ZBTB47: variants seen among roughly 807,000 people sequenced by gnomAD.
ZBTB47 encodes the protein zinc finger and BTB domain-containing protein 47.
ZBTB47 carries 24 observed loss-of-function variants against 56.6 expected under a neutral mutation model. That is an observed-to-expected ratio of 0.42 (90% CI 0.31 to 0.60). The LOEUF is 0.60. ZBTB47 is among the 20% of genes least tolerant of loss of function. The pLI is 0.14. For synonymous variants in ZBTB47, 414 were observed against 418.9 expected, an observed-to-expected ratio of 0.99 and a Z score of 0.14; for missense variants, 829 against 1,032.6, an observed-to-expected ratio of 0.80 and a Z score of 2.70.
chr3:42,654,733 C>T lies in ZBTB47; in HGVS notation c.-82+850C>T. 2 of 985,012 alleles carry T rather than the reference C, an allele frequency of 2.0e-6. No individual in the cohort carries two copies. The highest frequency in any genetic ancestry group is 2.4e-6 in the Non-Finnish European group (2 of 829,696). 61.0% of individuals were successfully genotyped at this position (985,012 alleles called of 1,614,324 possible). On this transcript the variant is annotated intron_variant, in intron 1 of 5. Coordinates refer to ENST00000232974, the MANE Select transcript of ZBTB47 (RefSeq NM_145166.4). The surrounding 1 kb of genome is among the most constrained non-coding windows in gnomAD (Gnocchi z 5.0). ...CTGCCTGTCCCCCCGCTTATCCGCC[C>T]ACCTGCCAGCTCTGACCTCCCAGGC...
In ZBTB47 at chr3:42,664,496, G is replaced by C. The variant is rs1329292267; in HGVS notation, c.2142G>C (p.Pro714=). ...QPQAHALPLL[P]GLPQTLPPPP... ...AGGCGCACGCACTGCCCCTGCTCCCGGGGCTGCCCCAGACCCTGCCGCCCC... is the reference window on the plus strand; with the variant it reads ...AGGCGCACGCACTGCCCCTGCTCCCCGGGCTGCCCCAGACCCTGCCGCCCC... The change falls in exon 6 of 6, where the codon CCG becomes CCC. Residue 714 remains proline, a synonymous_variant. Transcript: ENST00000232974. 7.1e-5 allele frequency: 104 copies of C among 1,462,084 alleles called. No homozygotes were observed. The highest frequency in any genetic ancestry group is 8.4e-5 in the Non-Finnish European group (93 of 1,111,252). The allele number at this position is 1,462,084 out of a possible 1,614,324, so 90.6% of individuals were successfully genotyped here.
In ZBTB47 at chr3:42,664,311, A is replaced by G; in HGVS notation, c.1957A>G (p.Thr653Ala). ...SRPNMKRHRR[T>A]HTGEKPYPCD... ...GCCCAACATGAAGCGGCACCGGCGC[A>G]CGCACACGGGCGAGAAGCCGTACCC... Residue 653 changes from threonine to alanine, a missense_variant, in exon 6 of 6, where the codon ACG becomes GCG. By Grantham distance (58) the Thr-to-Ala change is moderately conservative. Transcript: ENST00000232974. 1 of 1,612,952 alleles carries G rather than the reference A, an allele frequency of 6.2e-7. No homozygotes were observed. Among genetic ancestry groups the G allele is most frequent in the Non-Finnish European group, 8.5e-7 (1 of 1,179,762 alleles).
In ZBTB47 at chr3:42,663,572, G is replaced by A. The variant is rs13325536; in HGVS notation, c.1738-225G>A. Among the ~76,000 whole-genome samples the A allele has an allele frequency of 3.4e-3, 512 of 152,006 alleles. 2 individuals carry two copies. The highest frequency in any genetic ancestry group is 0.012 in the African/African-American group (498 of 41,442). On this transcript the variant is annotated intron_variant, in intron 4 of 5. Transcript: ENST00000232974. The surrounding 1 kb of genome is among the most constrained non-coding windows in gnomAD (Gnocchi z 5.1). The stretch of plus-strand genomic sequence containing the variant: ...TACTCTCTGGCTTTTTCCCACTTCC[G>A]ACCCCCATTCCCCACCTAAGCCTTG...
Position 42,654,524 on chromosome 3 carries a change from C to T in ZBTB47, c.-82+641C>T. On this transcript the variant is annotated intron_variant, in intron 1 of 5. Coordinates refer to ENST00000232974, the MANE Select transcript of ZBTB47 (RefSeq NM_145166.4). The surrounding 1 kb of genome is among the most constrained non-coding windows in gnomAD (Gnocchi z 5.0). The stretch of plus-strand genomic sequence containing the variant: ...GGCCGCAGCTGCTTGGCGCTGGACT[C>T]GCCGCGGCCCTGCGCCTCCGCCTGC... The T allele has an allele frequency of 9.9e-6, 2 of 201,328 alleles. No homozygotes were observed. The highest frequency in any genetic ancestry group is 1.7e-5 in the Non-Finnish European group (2 of 114,876). The allele number at this position is 201,328 out of a possible 1,614,324, so 12.5% of individuals were successfully genotyped here. A position where few individuals can be genotyped will look rare whatever the true frequency, so the allele number is the denominator to read the frequency against.
rs1710617351 is a variant in ZBTB47, at chr3:42,654,798, T to C, written c.-82+915T>C. 6 of 670,606 alleles carry C rather than the reference T, an allele frequency of 8.9e-6. No homozygotes were observed. The South Asian group carries it at 2.0e-4, about 22-fold the overall frequency. 41.5% of individuals were successfully genotyped at this position (670,606 alleles called of 1,614,324 possible). Reference sequence around the variant, plus strand: ...CCCGGGTGGAGGGGCTGGAGGGATCTTCCCCCCTCCCCCGGTCTCCCGGCT... The same window carrying C: ...CCCGGGTGGAGGGGCTGGAGGGATCCTCCCCCCTCCCCCGGTCTCCCGGCT... On this transcript the variant is annotated intron_variant, in intron 1 of 5. Coordinates refer to ENST00000232974, the MANE Select transcript of ZBTB47 (RefSeq NM_145166.4). This position sits in a 1 kb window ranked among gnomAD's most constrained non-coding sequence, Gnocchi z 5.0.
intron 1 of ZBTB47, among the ~76,000 whole-genome samples, chr3:42,655,753 G>A (rs1238209949): frequency 6.6e-6 from 1 of 152,218 alleles, no homozygotes; most frequent in African/African-American, 2.4e-5. Flanking sequence ...TGTGGACTCG[G>A]GCAGCATCTC....
Position 42,664,661 on chromosome 3 carries a change from C to T in ZBTB47, c.*63C>T. The T allele has an allele frequency of 7.3e-7, 1 of 1,361,052 alleles. No individual in the cohort carries two copies. Among genetic ancestry groups the T allele is most frequent in the Non-Finnish European group, 9.4e-7 (1 of 1,063,708 alleles). The allele number at this position is 1,361,052 out of a possible 1,614,324, so 84.3% of individuals were successfully genotyped here. Reference sequence around the variant, plus strand: ...GTCAGGGCCCACTCCAGGAGGGACCCACTGCCTTCCCGGGGAGCACAGTAG... The same window carrying T: ...GTCAGGGCCCACTCCAGGAGGGACCTACTGCCTTCCCGGGGAGCACAGTAG... On this transcript the variant is annotated 3_prime_UTR_variant, in exon 6 of 6. Coordinates refer to ENST00000232974, the MANE Select transcript of ZBTB47 (RefSeq NM_145166.4).
At chr3:42,655,628 A>T (rs1252034891) in intron 1 of ZBTB47, among the ~76,000 whole-genome samples, 1 of 152,172 alleles carries the variant, frequency 6.6e-6, no homozygotes, top group African/African-American at 2.4e-5. Flanking sequence ...GGGGAGGGGC[A>T]CGCATTGCTT....
chr3:42,662,365 C>T lies in ZBTB47; in HGVS notation c.1622-647C>T, dbSNP rs149724282. Reference sequence around the variant, plus strand: ...GAACTGACTGGAAGCTGGGACCCTGCGGCCTAGGTCTCAGCCAGGAGCATG... The same window carrying T: ...GAACTGACTGGAAGCTGGGACCCTGTGGCCTAGGTCTCAGCCAGGAGCATG... On this transcript the variant is annotated intron_variant, in intron 3 of 5. Transcript: ENST00000232974. 1.8e-3 allele frequency among the ~76,000 whole-genome samples: 277 copies of T among 152,348 alleles called. 1 individual carries two copies. The highest frequency in any genetic ancestry group is 6.1e-3 in the African/African-American group (254 of 41,574).
At chr3:42,660,916 C>A (rs1042172764) in intron 2 of ZBTB47, among the ~76,000 whole-genome samples, 1 of 152,166 alleles carries the variant, frequency 6.6e-6, no homozygotes, top group Admixed American at 6.5e-5. Context: ...GACAAGGGTC[C>A]AGGAGAACAA....
chr3:42,658,006 T>C (rs149095936), intron 1 of ZBTB47, among the ~76,000 whole-genome samples: 210 of 152,322 alleles, frequency 1.4e-3, no homozygotes, highest in Non-Finnish European at 2.5e-3. Flanking sequence ...GGGATGACTT[T>C]TCCCATTTCC....
chr3:42,658,798 C>G lies in ZBTB47; in HGVS notation c.443C>G (p.Thr148Ser). 1 of 1,533,664 alleles carries G rather than the reference C, an allele frequency of 6.5e-7. No individual in the cohort carries two copies. Among genetic ancestry groups the G allele is most frequent in the Non-Finnish European group, 8.7e-7 (1 of 1,145,628 alleles). Residue 148 changes from threonine (T) to serine (S), a missense_variant, in exon 2 of 6, where the codon ACC (threonine) becomes AGC (serine). This residue lies in a region of ZBTB47 where 359 missense variants were observed against 359.8 expected (regional missense o/e 1.00). Transcript: ENST00000232974. The part of the protein sequence containing the change: ...YYCDIKQEAD[T>S]PGLPKIYARE... ...TGTGACATCAAGCAGGAGGCCGACACCCCAGGCCTGCCCAAGATCTATGCC... is the reference window on the plus strand; with the variant it reads ...TGTGACATCAAGCAGGAGGCCGACAGCCCAGGCCTGCCCAAGATCTATGCC...
chr3:42,660,434 T>A (rs1710700120), intron 2 of ZBTB47, among the ~76,000 whole-genome samples: 2 of 152,022 alleles, frequency 1.3e-5, no homozygotes, highest in Non-Finnish European at 2.9e-5. Context: ...GAAAAAGGGA[T>A]TGGGTGAGAA....
Position 42,664,419 on chromosome 3 carries a change from C to T in ZBTB47, c.2065C>T (p.Leu689=), listed in dbSNP as rs370351883. The change falls in exon 6 of 6, where the codon CTG becomes TTG. Residue 689 remains leucine, a synonymous_variant. Coordinates refer to ENST00000232974, the MANE Select transcript of ZBTB47 (RefSeq NM_145166.4). The part of the protein sequence containing the change: ...KEKCFRVSHT[L]AGDGVPAAPG... The stretch of plus-strand genomic sequence containing the variant: ...GAAGTGCTTCCGCGTCAGCCACACC[C>T]TGGCCGGCGACGGCGTCCCCGCTGC... 2.9e-4 allele frequency: 445 copies of T among 1,559,400 alleles called. 1 individual carries two copies. The highest frequency in any genetic ancestry group is 7.6e-4 in the South Asian group (65 of 85,346).
Position 42,661,600 on chromosome 3 carries a change from A to G in ZBTB47, c.1589A>G (p.Tyr530Cys). Residue 530 changes from tyrosine (Y) to cysteine (C), a missense_variant, in exon 3 of 6, where the codon TAC becomes TGC. Coordinates refer to ENST00000232974, the MANE Select transcript of ZBTB47 (RefSeq NM_145166.4). The stretch of plus-strand genomic sequence containing the variant: ...TGCGAGATCTGTGAGAAGAAGTTCT[A>G]CACCATGGCCCACGTGCGTAAGCAC... ...FSCEICEKKF[Y>C]TMAHVRKHMV... is the part of the protein sequence containing the mutation. 1 of 1,614,080 alleles carries G rather than the reference A, an allele frequency of 6.2e-7. No homozygotes were observed. Among genetic ancestry groups the G allele is most frequent in the Non-Finnish European group, 8.5e-7 (1 of 1,179,900 alleles).
rs768464738 is a variant in ZBTB47, at chr3:42,666,047, G to T, written c.*1449G>T. ...GTGGGAAGAGGCTTGGGCCCCGGGG[G>T]AATGGTTAGGGGGACTGAACCCCTC... On this transcript the variant is annotated 3_prime_UTR_variant, in exon 6 of 6. Coordinates refer to ENST00000232974, the MANE Select transcript of ZBTB47 (RefSeq NM_145166.4). 1.2e-4 allele frequency among the ~76,000 whole-genome samples: 18 copies of T among 152,240 alleles called. No homozygotes were observed. Among genetic ancestry groups the T allele is most frequent in the Non-Finnish European group, 2.4e-4 (16 of 68,044 alleles).
At chr3:42,655,461 C>T (rs1710630936) in intron 1 of ZBTB47, among the ~76,000 whole-genome samples, 1 of 152,168 alleles carries the variant, frequency 6.6e-6, no homozygotes, top group African/African-American at 2.4e-5. Context: ...GGTGAGCAGC[C>T]TGGAGAGATG....
Position 42,663,544 on chromosome 3 carries a change from C to T in ZBTB47, c.1738-253C>T, listed in dbSNP as rs930516717. 6.6e-6 allele frequency among the ~76,000 whole-genome samples: 1 copy of T among 152,012 alleles called. No homozygotes were observed. Among genetic ancestry groups the T allele is most frequent in the Non-Finnish European group, 1.5e-5 (1 of 67,996 alleles). ...CCTCGTGCCTTAAGCATGGGGCTCC[C>T]TCTACTCTCTGGCTTTTTCCCACTT... On this transcript the variant is annotated intron_variant, in intron 4 of 5. Coordinates refer to ENST00000232974, the MANE Select transcript of ZBTB47 (RefSeq NM_145166.4). This position sits in a 1 kb window ranked among gnomAD's most constrained non-coding sequence, Gnocchi z 5.1.
At chr3:42,655,110 A>G (rs921134057) in intron 1 of ZBTB47, among the ~76,000 whole-genome samples, 1 of 152,152 alleles carries the variant, frequency 6.6e-6, no homozygotes, top group African/African-American at 2.4e-5. Context: ...GAGGACACCC[A>G]GAGCTCCCGT....
Sources: allele counts gnomAD v4.1 joint callset (sites outside exome capture counted in the v4.1 genomes callset), GRCh38; gene constraint gnomAD v4.1.1; regional missense constraint gnomAD v4.1.1; non-coding constraint Gnocchi (gnomAD v3.1); transcripts MANE v1.5; gene names NCBI Gene and HGNC (gene_info 2026-07-23, HGNC 2026-07-21).